PPIP5K2: variants seen among roughly 807,000 people sequenced by gnomAD.
PPIP5K2 encodes diphosphoinositol pentakisphosphate kinase 2.
In PPIP5K2, 105 loss-of-function variants were observed where a neutral mutation model predicts 154.6. That is an observed-to-expected ratio of 0.68 (90% CI 0.58 to 0.80). PPIP5K2 has a LOEUF of 0.80. PPIP5K2 is among the 30% of genes least tolerant of loss of function. The pLI is 0.00. For missense variants in PPIP5K2, 992 were observed against 1,504.6 expected (o/e 0.66, Z 5.64); for synonymous variants, 480 against 490.3 (o/e 0.98, Z 0.28).
At chr5:103,188,265 C>T (rs2149788875) in intron 28 of PPIP5K2, among the ~76,000 whole-genome samples, 1 of 152,190 alleles carries the variant, frequency 6.6e-6, no homozygotes, top group South Asian at 2.1e-4. Context: ...CAGATTTTTG[C>T]TTGTATTATA....
At chr5:103,200,720 C>A (rs1241216743) in intron 30 of PPIP5K2, among the ~76,000 whole-genome samples, 2 of 151,942 alleles carry the variant, frequency 1.3e-5, no homozygotes, top group African/African-American at 4.8e-5. Context: ...ACTGCAGCCT[C>A]AACCTATCAG....
chr5:103,136,554 A>G (rs1365349225), intron 3 of PPIP5K2, among the ~76,000 whole-genome samples, 178 bp from the exon 4 acceptor site: 1 of 152,214 alleles, frequency 6.6e-6, no homozygotes, highest in South Asian at 2.1e-4. Context: ...TTATGAAAAA[A>G]TAAGATTTAA....
At chr5:103,195,190 T>C (rs1554228157) in intron 30 of PPIP5K2, among the ~76,000 whole-genome samples, 165 bp downstream of exon 30, 1 of 152,202 alleles carries the variant, frequency 6.6e-6, no homozygotes, top group Admixed American at 6.5e-5. Context: ...TGATATATAT[T>C]TGTTTTTTGT....
chr5:103,173,383 A>G (rs1580341079), intron 20 of PPIP5K2, 101 bp downstream of exon 20: 1 of 1,302,158 alleles, frequency 7.7e-7, no homozygotes, highest in Non-Finnish European at 1.1e-6. Flanking sequence ...GAAGTGTGTC[A>G]TTGGCATACT....
Position 103,156,176 on chromosome 5 carries a change from C to T in PPIP5K2, c.1489+182C>T, listed in dbSNP as rs111573270. ...AATAAAGGATACAATTTTAAAATTA[C>T]CTATTCTTTAAACAAAGGATAGATT... On this transcript the variant is annotated intron_variant, in intron 14 of 30. Transcript: ENST00000358359. Among the ~76,000 whole-genome samples, 876 of 152,216 alleles carry T rather than the reference C, an allele frequency of 5.8e-3. 6 individuals are homozygous for T. The highest frequency in any genetic ancestry group is 0.02 in the African/African-American group (839 of 41,536).
intron 25 of PPIP5K2, chr5:103,184,330 T>G (rs1406742252): frequency 5.6e-6 from 1 of 179,942 alleles, no homozygotes; most frequent in Non-Finnish European, 1.2e-5. Flanking sequence ...TTGTAGTTGT[T>G]TTTTCCCCCT....
Position 103,167,203 on chromosome 5 carries a change from C to G in PPIP5K2, c.1945C>G (p.Leu649Val). The G allele has an allele frequency of 6.3e-7, 1 of 1,577,286 alleles. No individual in the cohort carries two copies. The highest frequency in any genetic ancestry group is 8.6e-7 in the Non-Finnish European group (1 of 1,160,776). The change falls in exon 18 of 31, where the codon CTT becomes GTT. Residue 649 changes from leucine to valine, a missense_variant. Leu to Val is a conservative substitution (Grantham distance 32, BLOSUM62 1). Around this residue, in one of 9 missense-constraint regions of PPIP5K2, gnomAD observed 82 missense variants for 91.8 expected, o/e 0.89. Transcript: ENST00000358359. ...EKLTPSGSIS[L>V]IKSMHLIKNP... ...GCTTACTCCATCTGGAAGCATTTCT[C>G]TTATCAAATCAATGCATTTAATTAA...
In PPIP5K2 at chr5:103,146,570, G is replaced by A; in HGVS notation, c.531G>A (p.Gly177=). 6.2e-7 allele frequency: 1 copy of A among 1,611,882 alleles called. No homozygotes were observed. The highest frequency in any genetic ancestry group is 8.5e-7 in the Non-Finnish European group (1 of 1,178,998). ...IEGEDHVEVN[G]EVFQKPFVEK... ...GGGAAGATCATGTAGAAGTAAATGG[G>A]GAAGTTTTTCAAAAGCCATTTGTAG... is the stretch of plus-strand genomic sequence containing the variant. The change falls in exon 6 of 31, where the codon GGG becomes GGA. Residue 177 remains glycine (G), a synonymous_variant. Transcript: ENST00000358359.
At chr5:103,169,532 A>T (rs1171728279) in intron 19 of PPIP5K2, among the ~76,000 whole-genome samples, 6 of 151,740 alleles carry the variant, frequency 4.0e-5, no homozygotes, top group African/African-American at 1.4e-4. Flanking sequence ...ACCTATAGGT[A>T]TTTGTATACG....
At chr5:103,141,634 G>A (rs1398442800) in intron 5 of PPIP5K2, among the ~76,000 whole-genome samples, 2 of 152,144 alleles carry the variant, frequency 1.3e-5, no homozygotes, top group African/African-American at 4.8e-5. Flanking sequence ...GTTAGATACA[G>A]AGTTTCGACA....
intron 1 of PPIP5K2, among the ~76,000 whole-genome samples, chr5:103,122,719 G>A (rs1158156148): frequency 2.0e-5 from 3 of 152,182 alleles, no homozygotes; most frequent in African/African-American, 7.2e-5. Context: ...TAAGCAGCAG[G>A]AGCAGGAGCT....
At chr5:103,128,998 T>G (rs1181573097) in intron 1 of PPIP5K2, among the ~76,000 whole-genome samples, 3 of 152,214 alleles carry the variant, frequency 2.0e-5, no homozygotes, top group Non-Finnish European at 4.4e-5. Flanking sequence ...AATATAATTT[T>G]GTTATAATTT....
chr5:103,130,463 C>A (rs572543527), intron 2 of PPIP5K2, among the ~76,000 whole-genome samples: 14 of 152,138 alleles, frequency 9.2e-5, no homozygotes, highest in Non-Finnish European at 1.8e-4. Flanking sequence ...AAGAGAAAAA[C>A]CTGTTCTATT....
Position 103,173,966 on chromosome 5 carries a change from A to G in PPIP5K2, c.2523A>G (p.Leu841=). 15 of 1,566,224 alleles carry G rather than the reference A, an allele frequency of 9.6e-6. No homozygotes were observed. The highest frequency in any genetic ancestry group is 1.2e-5 in the Non-Finnish European group (14 of 1,141,774). The change falls in exon 21 of 31, where the codon TTA becomes TTG. Residue 841 remains leucine (L), a synonymous_variant. Coordinates refer to ENST00000358359, the MANE Select transcript of PPIP5K2 (RefSeq NM_001276277.3). ...SLLSILRYGA[L]CNESKDEQWK... is the part of the protein sequence containing the mutation. ...TGTCTATTCTTCGCTATGGTGCCTT[A>G]TGCAATGTAAGTAGAATAAGTTATT...
chr5:103,140,165 AAT>A (rs1434971575), intron 5 of PPIP5K2, among the ~76,000 whole-genome samples: 7 of 145,780 alleles, frequency 4.8e-5, no homozygotes. Flanking sequence ...AAAAAAAAAA[AAT>A]CTTAAAAATA....
intron 30 of PPIP5K2, among the ~76,000 whole-genome samples, chr5:103,195,933 C>T (rs1554228375): frequency 1.3e-5 from 2 of 152,196 alleles, no homozygotes; most frequent in African/African-American, 4.8e-5. Context: ...CTATGTGACT[C>T]TGGACAAGTT....
chr5:103,201,203 C>A (rs1458986644), intron 30 of PPIP5K2, among the ~76,000 whole-genome samples: 1 of 152,104 alleles, frequency 6.6e-6, no homozygotes, highest in Admixed American at 6.6e-5. Flanking sequence ...GGAAAAGGCC[C>A]AGGCCAGAAG....
chr5:103,178,009 G>C, intron 23 of PPIP5K2, 29 bp downstream of exon 23: 1 of 1,319,256 alleles, frequency 7.6e-7, no homozygotes, highest in Middle Eastern at 1.8e-4. Context: ...TCAGTGCTTA[G>C]TTACTACAGT....
Position 103,165,404 on chromosome 5 carries a change from A to G in PPIP5K2, c.1921-1775A>G, listed in dbSNP as rs190602302. ...AGCCTTAGCAATAATGTGAACAATGAACATATATGAATGCTCATTATGAAA... is the reference window on the plus strand; with the variant it reads ...AGCCTTAGCAATAATGTGAACAATGGACATATATGAATGCTCATTATGAAA... On this transcript the variant is annotated intron_variant, in intron 17 of 30. Transcript: ENST00000358359. Among the ~76,000 whole-genome samples, 298 of 152,214 alleles carry G rather than the reference A, an allele frequency of 2.0e-3. 3 individuals are homozygous for G. The highest frequency in any genetic ancestry group is 2.2e-3 in the Non-Finnish European group (151 of 67,980).
Sources: gnomAD v4.1 joint callset for allele counts (sites outside exome capture counted in the v4.1 genomes callset) on GRCh38, gnomAD v4.1.1 for gene constraint, gnomAD v4.1.1 regional missense constraint, MANE v1.5 for transcripts, NCBI Gene and HGNC (gene_info 2026-07-23, HGNC 2026-07-21) for gene names.